Variants in CMIP observed in about 807,000 individuals in gnomAD.
The protein encoded by CMIP is c-Maf inducing protein.
A neutral mutation model predicts 97.3 loss-of-function variants in CMIP; 13 were observed. The ratio of observed to expected loss-of-function variants is 0.13; its 90% confidence interval spans 0.09 to 0.21. CMIP has a LOEUF of 0.21. CMIP is among the 10% of genes least tolerant of loss of function. The probability of loss-of-function intolerance (pLI) is 1.00; values close to 1 mark genes in which losing one functional copy is unlikely to be tolerated. For synonymous variants in CMIP, 538 were observed against 436.3 expected (o/e 1.23, Z -2.91); for missense variants, 847 against 1,024.9 (o/e 0.83, Z 2.37).
chr16:81,660,669 C>T (rs1485602002), intron 5 of CMIP, among the ~76,000 whole-genome samples: 1 of 152,134 alleles, frequency 6.6e-6, no homozygotes, highest in Non-Finnish European at 1.5e-5. Context: ...ACCTTGTTTT[C>T]AGGTGGTGAC....
intron 1 of CMIP, among the ~76,000 whole-genome samples, chr16:81,446,148 G>A (rs1905827513): frequency 6.6e-6 from 1 of 152,098 alleles, no homozygotes; most frequent in South Asian, 2.1e-4. Context: ...GAAGTGGAGG[G>A]GGAGGGGGCA....
At chr16:81,481,915 G>A (rs2089230348) in intron 1 of CMIP, among the ~76,000 whole-genome samples, 1 of 144,066 alleles carries the variant, frequency 6.9e-6, no homozygotes, top group East Asian at 2.0e-4. Flanking sequence ...GTCTCACTCT[G>A]TCACCCAGGC....
chr16:81,628,947 C>G (rs1234354846), intron 3 of CMIP, among the ~76,000 whole-genome samples: 1 of 151,772 alleles, frequency 6.6e-6, no homozygotes, highest in South Asian at 2.1e-4. Flanking sequence ...ACCAGCCTGG[C>G]CAACATGGGG....
intron 1 of CMIP, among the ~76,000 whole-genome samples, chr16:81,546,175 A>G (rs1417622364): frequency 6.6e-6 from 1 of 152,184 alleles, no homozygotes; most frequent in African/African-American, 2.4e-5. Flanking sequence ...TGCTGGGGCC[A>G]GGAGGCAGGG....
At chr16:81,451,739 G>T (rs191354543) in intron 1 of CMIP, among the ~76,000 whole-genome samples, 1 of 152,304 alleles carries the variant, frequency 6.6e-6, no homozygotes, top group East Asian at 1.9e-4. Flanking sequence ...ACAAGGATGC[G>T]CTGACTTCCA....
chr16:81,493,340 C>T (rs2089434534), intron 1 of CMIP, among the ~76,000 whole-genome samples: 1 of 150,254 alleles, frequency 6.7e-6, no homozygotes, highest in South Asian at 2.1e-4. Context: ...TCTGGGGTCA[C>T]TCACCCTCCG....
In CMIP at chr16:81,445,875, G is replaced by A. The variant is rs1454309453; in HGVS notation, c.300+334G>A. ...GAGGATGGACCCGACGCTGGGCCCTGATGGTGGTGGGGGTTCTCTCTGGAA... is the reference window on the plus strand; with the variant it reads ...GAGGATGGACCCGACGCTGGGCCCTAATGGTGGTGGGGGTTCTCTCTGGAA... On this transcript the variant is annotated intron_variant, in intron 1 of 20. Coordinates refer to ENST00000537098, the MANE Select transcript of CMIP (RefSeq NM_198390.3). 2.0e-5 allele frequency among the ~76,000 whole-genome samples: 3 copies of A among 151,770 alleles called. No homozygotes were observed. In the East Asian group the frequency reaches 5.8e-4, roughly 29 times the overall value.
chr16:81,473,984 G>A (rs1046177529), intron 1 of CMIP, among the ~76,000 whole-genome samples: 4 of 152,024 alleles, frequency 2.6e-5, no homozygotes, highest in African/African-American at 9.7e-5. Flanking sequence ...CCATCCCTTT[G>A]CTCCTGGGAT....
At chr16:81,568,043 T>TTG (rs2091015265) in intron 1 of CMIP, among the ~76,000 whole-genome samples, 1 of 51,806 alleles carries the variant, frequency 1.9e-5, no homozygotes, top group African/African-American at 6.1e-5. Flanking sequence ...GTGTGTGTTT[T>TTG]TTTTTTTTTT....
chr16:81,617,464 G>A (rs1425926585), intron 2 of CMIP: 1 of 152,334 alleles, frequency 6.6e-6, no homozygotes. Context: ...GGCCAAGCCA[G>A]AGGACTGGCT....
chr16:81,643,717 A>T (rs2092332424), intron 3 of CMIP, among the ~76,000 whole-genome samples: 1 of 152,206 alleles, frequency 6.6e-6, no homozygotes, highest in African/African-American at 2.4e-5. Context: ...ACTTGAACCC[A>T]GAAGGCAAAG....
intron 1 of CMIP, among the ~76,000 whole-genome samples, chr16:81,544,246 G>A (rs578035632): frequency 3.9e-5 from 6 of 152,244 alleles, no homozygotes; most frequent in African/African-American, 1.4e-4. Flanking sequence ...TTCAATGTGG[G>A]TGCTGGGCAG....
chr16:81,558,227 G>A (rs1420130473), intron 1 of CMIP, among the ~76,000 whole-genome samples: 2 of 152,308 alleles, frequency 1.3e-5, no homozygotes, highest in African/African-American at 4.8e-5. Flanking sequence ...CCTCTCGGCC[G>A]TTAGAGATAG....
chr16:81,604,885 G>A (rs907857503), intron 1 of CMIP, among the ~76,000 whole-genome samples: 1 of 152,126 alleles, frequency 6.6e-6, no homozygotes, highest in South Asian at 2.1e-4. Flanking sequence ...ACGGATGAAA[G>A]TTGCCTTTAT....
chr16:81,699,542 G>A, intron 14 of CMIP, 143 bp from the exon 15 acceptor site: 1 of 603,932 alleles, frequency 1.7e-6, no homozygotes, highest in Non-Finnish European at 3.1e-6. Flanking sequence ...TCCCCCTGGG[G>A]CCTGGTGATC....
chr16:81,669,387 C>T (rs1484208405), intron 7 of CMIP, among the ~76,000 whole-genome samples: 1 of 96,832 alleles, frequency 1.0e-5, no homozygotes, highest in East Asian at 2.9e-4. Context: ...TCCACACCCA[C>T]CTCTCACACT....
At chr16:81,698,967 A>C (rs561680904) in intron 14 of CMIP, among the ~76,000 whole-genome samples, 84 of 152,356 alleles carry the variant, frequency 5.5e-4, no homozygotes, top group African/African-American at 1.8e-3. Context: ...AAAAACTAGC[A>C]AGGGCCGGGC....
chr16:81,478,536 T>G (rs1908069039), intron 1 of CMIP, among the ~76,000 whole-genome samples: 1 of 152,070 alleles, frequency 6.6e-6, no homozygotes, highest in African/African-American at 2.4e-5. Context: ...ATTCATGGAA[T>G]TCCATTGAGG....
intron 1 of CMIP, among the ~76,000 whole-genome samples, chr16:81,485,058 C>G (rs187460524): frequency 3.3e-5 from 5 of 152,140 alleles, no homozygotes; most frequent in Non-Finnish European, 7.3e-5. Context: ...GTCCTGATGC[C>G]TGACTCCACC....
Sources: allele counts gnomAD v4.1 joint callset (sites outside exome capture counted in the v4.1 genomes callset), GRCh38; gene constraint gnomAD v4.1.1; transcripts MANE v1.5; gene names NCBI Gene and HGNC (gene_info 2026-07-23, HGNC 2026-07-21).